Variants in LGSN observed in about 807,000 individuals in gnomAD.
LGSN encodes the protein lengsin, lens protein with glutamine synthetase domain.
In LGSN, 21 loss-of-function variants were observed where a neutral mutation model predicts 19.5. The ratio of observed to expected loss-of-function variants is 1.07; its 90% CI spans 0.76 to 1.55. LGSN has a LOEUF of 1.55. Among genes scored for constraint, LGSN ranks in the 40% most tolerant of loss-of-function variants. LGSN has a pLI of 0.00. For synonymous variants in LGSN, 257 were observed against 215.6 expected, an observed-to-expected ratio of 1.19 and a Z score of -1.68; for missense variants, 673 against 608.5, an observed-to-expected ratio of 1.11 and a Z score of -1.12.
the LGSN span, among the ~76,000 whole-genome samples, chr6:63,547,702 G>C: frequency 1.0e-4 from 15 of 148,552 alleles, no homozygotes; most frequent in Non-Finnish European, 2.1e-4. Flanking sequence ...CAGTAGAGAC[G>C]GGGTTTCACC....
intron 1 of LGSN, among the ~76,000 whole-genome samples, chr6:63,298,841 A>G (rs1481021460): frequency 6.6e-6 from 1 of 152,222 alleles, no homozygotes; most frequent in Non-Finnish European, 1.5e-5. Context: ...GATGTGCAGA[A>G]CATTCTTAAA....
chr6:63,551,733 G>C, the LGSN span, among the ~76,000 whole-genome samples: 1 of 135,596 alleles, frequency 7.4e-6, no homozygotes. Flanking sequence ...TCCCCTTCCT[G>C]TGTCCATGTG....
the LGSN span, among the ~76,000 whole-genome samples, chr6:63,503,273 A>T: frequency 6.6e-6 from 1 of 152,238 alleles, no homozygotes; most frequent in African/African-American, 2.4e-5. Context: ...AATGAGTCAG[A>T]GTTCTATAGA....
the LGSN span, among the ~76,000 whole-genome samples, chr6:63,473,592 A>C: frequency 6.6e-6 from 1 of 151,836 alleles, no homozygotes; most frequent in Non-Finnish European, 1.5e-5. Context: ...ACACATAAAT[A>C]ATTGTCTGGA....
the LGSN span, among the ~76,000 whole-genome samples, chr6:63,435,265 T>G: frequency 6.6e-6 from 1 of 152,208 alleles, no homozygotes; most frequent in South Asian, 2.1e-4. Context: ...ATCAACCTTG[T>G]TCAGCCAAAG....
At chr6:63,452,147 G>A in the LGSN span, among the ~76,000 whole-genome samples, 1 of 151,486 alleles carries the variant, frequency 6.6e-6, no homozygotes, top group Non-Finnish European at 1.5e-5. Context: ...TTCCGGAAGA[G>A]TTTGTGGAGA....
chr6:63,531,482 G>A, the LGSN span, among the ~76,000 whole-genome samples: 3 of 143,832 alleles, frequency 2.1e-5, no homozygotes, highest in Non-Finnish European at 3.0e-5. Flanking sequence ...TGTAATATTT[G>A]TATTAAGTTC....
the LGSN span, among the ~76,000 whole-genome samples, chr6:63,567,983 C>G: frequency 1.3e-5 from 2 of 152,378 alleles, no homozygotes; most frequent in East Asian, 3.9e-4. Flanking sequence ...CCTCACCTCT[C>G]TCAGCCTTCA....
chr6:63,567,774 G>A, the LGSN span, among the ~76,000 whole-genome samples: 1 of 152,300 alleles, frequency 6.6e-6, no homozygotes, highest in East Asian at 1.9e-4. Context: ...GTATAAGACT[G>A]TTTTGTCTAC....
chr6:63,381,547 T>A, the LGSN span, among the ~76,000 whole-genome samples: 1 of 152,204 alleles, frequency 6.6e-6, no homozygotes, highest in East Asian at 1.9e-4. Flanking sequence ...ATAAAAATTA[T>A]CCAGTAAGAA....
At chr6:63,531,042 C>T in the LGSN span, among the ~76,000 whole-genome samples, 4 of 152,158 alleles carry the variant, frequency 2.6e-5, no homozygotes, top group Non-Finnish European at 5.9e-5. Flanking sequence ...TGTGAAAATT[C>T]TGATATTATA....
chr6:63,407,753 A>G, the LGSN span, among the ~76,000 whole-genome samples: 2 of 152,224 alleles, frequency 1.3e-5, no homozygotes, highest in Non-Finnish European at 2.9e-5. Context: ...CTGTTTGCAG[A>G]TGACATGATT....
the LGSN span, among the ~76,000 whole-genome samples, chr6:63,501,527 A>G: frequency 1.8e-4 from 27 of 152,214 alleles, no homozygotes; most frequent in Middle Eastern, 6.8e-3. Flanking sequence ...AACAAACTGC[A>G]TCCTTGATGA....
chr6:63,353,029 G>A, the LGSN span, among the ~76,000 whole-genome samples: 2 of 151,972 alleles, frequency 1.3e-5, no homozygotes, highest in Non-Finnish European at 2.9e-5. Flanking sequence ...ACGTGACCCT[G>A]GTTCTCACAG....
At chr6:63,378,692 T>C in the LGSN span, among the ~76,000 whole-genome samples, 3 of 152,038 alleles carry the variant, frequency 2.0e-5, no homozygotes, top group Non-Finnish European at 2.9e-5. Flanking sequence ...CAGGCTCTTT[T>C]TGAATAACCA....
chr6:63,292,892 T>A (rs1452822450), intron 2 of LGSN, among the ~76,000 whole-genome samples: 2 of 152,200 alleles, frequency 1.3e-5, no homozygotes, highest in Admixed American at 1.3e-4. Flanking sequence ...AAACTTGTAA[T>A]TGGTGTCAGA....
chr6:63,520,915 G>C, the LGSN span, among the ~76,000 whole-genome samples: 1 of 152,124 alleles, frequency 6.6e-6, no homozygotes, highest in South Asian at 2.1e-4. Context: ...AAAAAAGAAT[G>C]AGTTCATGTC....
the LGSN span, among the ~76,000 whole-genome samples, chr6:63,503,381 C>T: frequency 1.3e-5 from 2 of 152,196 alleles, no homozygotes; most frequent in African/African-American, 4.8e-5. Flanking sequence ...GAGAACCAGA[C>T]TTTGAAATGT....
chr6:63,290,786 T>C (rs1223887566), intron 2 of LGSN, among the ~76,000 whole-genome samples: 1 of 152,244 alleles, frequency 6.6e-6, no homozygotes, highest in Non-Finnish European at 1.5e-5. Flanking sequence ...AAACAATTTG[T>C]AAACATTACT....
Sources: gnomAD v4.1 joint callset for allele counts (sites outside exome capture counted in the v4.1 genomes callset) on GRCh38, gnomAD v4.1.1 for gene constraint, MANE v1.5 for transcripts, NCBI Gene and HGNC (gene_info 2026-07-23, HGNC 2026-07-21) for gene names.